IGSF11: variants seen among roughly 807,000 people sequenced by gnomAD.
IGSF11 encodes CXADR like 1.
In IGSF11, 22 loss-of-function variants were observed where a neutral mutation model predicts 41.0. That is an observed-to-expected ratio of 0.54 (90% CI 0.38 to 0.77). IGSF11 has a LOEUF of 0.77. Ranked by LOEUF, IGSF11 falls within the 30% of genes least tolerant of loss-of-function variation. The pLI is 0.00. For missense variants in IGSF11, 444 were observed against 530.8 expected, an observed-to-expected ratio of 0.84 and a Z score of 1.61; for synonymous variants, 219 against 201.3, an observed-to-expected ratio of 1.09 and a Z score of -0.74.
intron 1 of IGSF11, among the ~76,000 whole-genome samples, chr3:118,989,998 G>T (rs971914884): frequency 2.6e-5 from 4 of 152,052 alleles, no homozygotes; most frequent in Admixed American, 1.3e-4. Flanking sequence ...GCAAAGGCTC[G>T]GGGTCATACT....
chr3:118,917,025 T>G (rs974040435), intron 4 of IGSF11, among the ~76,000 whole-genome samples: 10 of 152,034 alleles, frequency 6.6e-5, no homozygotes, highest in African/African-American at 2.4e-4. Context: ...CATAAGGAAA[T>G]GAAGGCAGAA....
intron 1 of IGSF11, among the ~76,000 whole-genome samples, chr3:119,089,559 G>A (rs2076730176): frequency 6.6e-6 from 1 of 152,152 alleles, no homozygotes; most frequent in African/African-American, 2.4e-5. Flanking sequence ...ATACAATATA[G>A]TACTGGAAGT....
intron 1 of IGSF11, among the ~76,000 whole-genome samples, chr3:119,058,974 T>C (rs187257579): frequency 3.5e-3 from 473 of 134,586 alleles, no homozygotes; most frequent in Non-Finnish European, 5.7e-3. Context: ...GGGACTGTTG[T>C]GGGGTGGGGG....
At chr3:119,035,766 C>G (rs530108241), upstream of IGSF11, among the ~76,000 whole-genome samples, 1 of 152,272 alleles carries the variant, frequency 6.6e-6, no homozygotes, top group East Asian at 1.9e-4. Context: ...TTGTACAGCT[C>G]ATAGTCACTT....
rs1001825836 is a variant in IGSF11, at chr3:119,085,173, T to C, written c.49+19971A>G. The stretch of plus-strand genomic sequence containing the variant: ...GGTCACCTCTCTCCCCCTCATACCA[T>C]AGAACACAGGTGCAAATGTGAGGAT... On this transcript the variant is annotated intron_variant, in intron 1 of 6. Transcript: ENST00000354673. Among the ~76,000 whole-genome samples the C allele has an allele frequency of 2.0e-5, 3 of 152,102 alleles. 1 individual carries two copies. Among genetic ancestry groups the C allele is most frequent in the South Asian group, 4.2e-4 (2 of 4,818 alleles).
At chr3:118,927,525 T>A (rs1370901640) in intron 3 of IGSF11, among the ~76,000 whole-genome samples, 1 of 152,208 alleles carries the variant, frequency 6.6e-6, no homozygotes, top group Non-Finnish European at 1.5e-5. Flanking sequence ...TCAGTTTTTT[T>A]ATTCTGTTTG....
intron 3 of IGSF11, among the ~76,000 whole-genome samples, chr3:118,927,203 T>C (rs1942405048): frequency 6.6e-6 from 1 of 152,200 alleles, no homozygotes; most frequent in South Asian, 2.1e-4. Flanking sequence ...TGTTTGCCTT[T>C]GTCATTGCCA....
chr3:119,059,179 TCA>T (rs144416307), intron 1 of IGSF11, among the ~76,000 whole-genome samples: 80,426 of 147,716 alleles, frequency 0.54, 22,179 homozygotes, highest in Non-Finnish European at 0.63. Flanking sequence ...TATACACAGA[TCA>T]CACACACACA....
chr3:119,035,630 T>C (rs1174449268), upstream of IGSF11, among the ~76,000 whole-genome samples: 1 of 152,238 alleles, frequency 6.6e-6, no homozygotes, highest in East Asian at 1.9e-4. Context: ...TTTTTGCTTC[T>C]TGTTTGTTTG....
At chr3:118,990,194 T>C (rs558500549) in intron 1 of IGSF11, among the ~76,000 whole-genome samples, 3 of 152,332 alleles carry the variant, frequency 2.0e-5, no homozygotes, top group African/African-American at 7.2e-5. Context: ...GATATATTTA[T>C]GTTTTCATTG....
intron 1 of IGSF11, among the ~76,000 whole-genome samples, chr3:118,954,056 T>A (rs568438342): frequency 6.6e-6 from 1 of 152,320 alleles, no homozygotes; most frequent in African/African-American, 2.4e-5. Flanking sequence ...AAGAACTTGA[T>A]ACATCTTGAG....
At chr3:119,077,820 CT>C (rs1187502641) in intron 1 of IGSF11, among the ~76,000 whole-genome samples, 1 of 152,172 alleles carries the variant, frequency 6.6e-6, no homozygotes, top group Non-Finnish European at 1.5e-5. Context: ...TTATAAATAA[CT>C]TTAGCAAAGT....
chr3:118,904,377 T>C (rs531414505), intron 6 of IGSF11, among the ~76,000 whole-genome samples: 1 of 152,272 alleles, frequency 6.6e-6, no homozygotes, highest in Admixed American at 6.5e-5. Flanking sequence ...CACCTAACCC[T>C]GCCTACCCTG....
intron 1 of IGSF11, among the ~76,000 whole-genome samples, chr3:118,992,444 A>G (rs938827872): frequency 6.6e-6 from 1 of 152,238 alleles, no homozygotes; most frequent in Non-Finnish European, 1.5e-5. Flanking sequence ...AAAAGTGCAA[A>G]GTCTGTTTAT....
intron 4 of IGSF11, among the ~76,000 whole-genome samples, chr3:118,921,822 C>T (rs185988215): frequency 7.2e-5 from 11 of 151,988 alleles, no homozygotes; most frequent in Middle Eastern, 3.4e-3. Flanking sequence ...AAAATCTGTA[C>T]CATTAGAGAA....
At chr3:119,069,216 C>T (rs11922885) in intron 1 of IGSF11, among the ~76,000 whole-genome samples, 4,607 of 152,228 alleles carry the variant, frequency 0.03, 215 homozygotes, top group African/African-American at 0.1. Flanking sequence ...GCGTGAGCCA[C>T]TGTGCCTGGC....
intron 1 of IGSF11, among the ~76,000 whole-genome samples, chr3:119,093,837 C>A (rs1280826722): frequency 6.6e-6 from 1 of 151,976 alleles, no homozygotes; most frequent in African/African-American, 2.4e-5. Context: ...AGATAGTAGA[C>A]CCAAAAGAAG....
chr3:119,021,831 A>G (rs577010663), intron 1 of IGSF11, among the ~76,000 whole-genome samples: 10 of 152,334 alleles, frequency 6.6e-5, no homozygotes, highest in South Asian at 2.1e-4. Context: ...AATTGCTTAA[A>G]TGAATCAATT....
At chr3:119,143,638 T>C (rs533445837) in intron 1 of IGSF11, among the ~76,000 whole-genome samples, 2 of 152,272 alleles carry the variant, frequency 1.3e-5, no homozygotes, top group South Asian at 4.1e-4. Context: ...TAAATGTAGA[T>C]GGATTAAACT....
Sources: gnomAD v4.1 joint callset for allele counts (sites outside exome capture counted in the v4.1 genomes callset) on GRCh38, gnomAD v4.1.1 for gene constraint, MANE v1.5 for transcripts, NCBI Gene and HGNC (gene_info 2026-07-23, HGNC 2026-07-21) for gene names.